ROBO1: variants seen among roughly 807,000 people sequenced by gnomAD.
The protein encoded by ROBO1 is roundabout homolog 1.
ROBO1 carries 149 observed loss-of-function variants against 195.9 expected under a neutral mutation model. The ratio of observed to expected loss-of-function variants is 0.76; its 90% CI spans 0.67 to 0.87. The LOEUF (loss-of-function observed/expected upper bound fraction) is 0.87, where lower values mean the gene tolerates loss of function less well. Among genes scored for constraint, ROBO1 ranks in the 40% least tolerant of loss-of-function variants. The pLI is 0.00. For synonymous variants in ROBO1, 816 were observed against 733.2 expected (o/e 1.11, Z -1.82); for missense variants, 1,933 against 2,068.3 (o/e 0.93, Z 1.27).
intron 4 of ROBO1, among the ~76,000 whole-genome samples, chr3:78,780,387 A>G (rs1297092627): frequency 6.6e-6 from 1 of 152,148 alleles, no homozygotes; most frequent in African/African-American, 2.4e-5. Flanking sequence ...TACTAACAAT[A>G]AGTAATCTGG....
At chr3:79,251,152 T>C (rs2082721771) in intron 2 of ROBO1, among the ~76,000 whole-genome samples, 1 of 152,204 alleles carries the variant, frequency 6.6e-6, no homozygotes. Flanking sequence ...TAGACAGAAT[T>C]ATATGTATAT....
chr3:78,646,713 G>A lies in ROBO1; in HGVS notation c.2840-523C>T, dbSNP rs185379545. On this transcript the variant is annotated intron_variant, in intron 20 of 30. Coordinates refer to ENST00000464233, the MANE Select transcript of ROBO1 (RefSeq NM_002941.4). ...TACACACAAAGATGTATGCCAAGTT[G>A]TGACTATTAATTCATGTGACCTATT... Among the ~76,000 whole-genome samples the A allele has an allele frequency of 2.0e-4, 31 of 151,492 alleles. No individual in the cohort carries two copies. The East Asian group carries it at 4.5e-3, about 22-fold the overall frequency.
chr3:79,712,402 A>G (rs1022601072), intron 1 of ROBO1, among the ~76,000 whole-genome samples: 6 of 152,268 alleles, frequency 3.9e-5, no homozygotes, highest in African/African-American at 1.2e-4. Context: ...AAGCCACAAC[A>G]TTCCCTTAAG....
chr3:79,365,711 C>A (rs1020706741), intron 2 of ROBO1, among the ~76,000 whole-genome samples: 2 of 151,998 alleles, frequency 1.3e-5, no homozygotes, highest in African/African-American at 4.8e-5. Flanking sequence ...TCCTGGCTAA[C>A]ACGGTGAAAC....
chr3:79,341,121 C>A (rs945410925), intron 2 of ROBO1, among the ~76,000 whole-genome samples: 1 of 152,148 alleles, frequency 6.6e-6, no homozygotes, highest in African/African-American at 2.4e-5. Context: ...AAACCAGAAA[C>A]CCTCATGAAT....
intron 4 of ROBO1, among the ~76,000 whole-genome samples, chr3:78,852,910 G>A (rs939728027): frequency 2.0e-5 from 3 of 152,104 alleles, no homozygotes; most frequent in Non-Finnish European, 2.9e-5. Flanking sequence ...TACTATTCAC[G>A]GTAGCCACTG....
chr3:78,631,131 T>A, intron 25 of ROBO1, 30 bp downstream of exon 25: 7 of 1,594,526 alleles, frequency 4.4e-6, no homozygotes, highest in Non-Finnish European at 6.0e-6. Flanking sequence ...CATATTACAC[T>A]GTTTACATCT....
chr3:79,460,504 C>T (rs185457191), intron 2 of ROBO1, among the ~76,000 whole-genome samples: 1 of 152,064 alleles, frequency 6.6e-6, no homozygotes, highest in African/African-American at 2.4e-5. Flanking sequence ...AAACCAGATG[C>T]CTTTCTATTA....
chr3:79,059,658 C>T (rs1394155792), intron 3 of ROBO1, among the ~76,000 whole-genome samples: 2 of 152,000 alleles, frequency 1.3e-5, no homozygotes, highest in East Asian at 1.9e-4. Context: ...TTACTGCAAT[C>T]TCTGAACACA....
intron 4 of ROBO1, among the ~76,000 whole-genome samples, chr3:78,833,097 A>G (rs2032376473): frequency 6.6e-6 from 1 of 152,090 alleles, no homozygotes; most frequent in African/African-American, 2.4e-5. Context: ...TCCATTCTAG[A>G]TAGATCACGG....
chr3:79,288,975 T>C (rs1490720615), intron 2 of ROBO1, among the ~76,000 whole-genome samples: 1 of 152,160 alleles, frequency 6.6e-6, no homozygotes, highest in Non-Finnish European at 1.5e-5. Flanking sequence ...TTCAATGTTG[T>C]TGTAAGGAAG....
intron 1 of ROBO1, among the ~76,000 whole-genome samples, chr3:79,657,978 A>C (rs1480629336): frequency 6.6e-6 from 1 of 152,136 alleles, no homozygotes; most frequent in East Asian, 1.9e-4. Flanking sequence ...ATTGTATGTA[A>C]TGTCAGGTGG....
intron 1 of ROBO1, among the ~76,000 whole-genome samples, chr3:79,643,360 C>G (rs529577226): frequency 3.2e-4 from 49 of 152,226 alleles, no homozygotes; most frequent in African/African-American, 1.2e-3. Context: ...TATTGTGAGA[C>G]TTCACCTTGT....
intron 4 of ROBO1, among the ~76,000 whole-genome samples, chr3:78,844,369 T>C: frequency 6.6e-6 from 1 of 152,088 alleles, no homozygotes; most frequent in East Asian, 1.9e-4. Flanking sequence ...TTCTGGATTA[T>C]CCAACTGTTT....
chr3:78,999,122 A>C (rs2077436002), intron 3 of ROBO1, among the ~76,000 whole-genome samples: 1 of 152,066 alleles, frequency 6.6e-6, no homozygotes, highest in African/African-American at 2.4e-5. Context: ...GTTGGTGGGA[A>C]TGTAAATTAG....
chr3:79,759,258 C>A lies in ROBO1; in HGVS notation c.-51+8494G>T, dbSNP rs145898062. Among the ~76,000 whole-genome samples, 7 of 152,212 alleles carry A rather than the reference C, an allele frequency of 4.6e-5. No homozygotes were observed. In the East Asian group the frequency reaches 1.2e-3, roughly 25 times the overall value. ...AGGGTAAAATTTAATATAATATATA[C>A]AATATGATGGAATAATTTCCTTTCG... On this transcript the variant is annotated intron_variant, in intron 1 of 30. Transcript: ENST00000464233.
chr3:79,174,818 T>C (rs1157550998), intron 2 of ROBO1, among the ~76,000 whole-genome samples: 1 of 147,248 alleles, frequency 6.8e-6, no homozygotes, highest in Admixed American at 6.9e-5. Flanking sequence ...ATTGCGCCAC[T>C]GCACTTCAGT....
At chr3:79,214,986 T>G (rs1325760992) in intron 2 of ROBO1, among the ~76,000 whole-genome samples, 1 of 151,966 alleles carries the variant, frequency 6.6e-6, no homozygotes, top group East Asian at 1.9e-4. Flanking sequence ...CAAAACCCCA[T>G]TTGTTAGAAG....
chr3:78,846,889 C>T (rs1225074459), intron 4 of ROBO1, among the ~76,000 whole-genome samples: 3 of 152,102 alleles, frequency 2.0e-5, no homozygotes, highest in Non-Finnish European at 4.4e-5. Context: ...ATGGGAAGGC[C>T]ATAGCCTCAG....
Sources: allele counts gnomAD v4.1 joint callset (sites outside exome capture counted in the v4.1 genomes callset), GRCh38; gene constraint gnomAD v4.1.1; transcripts MANE v1.5; gene names NCBI Gene and HGNC (gene_info 2026-07-23, HGNC 2026-07-21).